Variants in AGMAT observed in about 807,000 individuals in gnomAD.
AGMAT encodes guanidino acid hydrolase, mitochondrial.
A neutral mutation model predicts 29.3 loss-of-function variants in AGMAT; 37 were observed. The ratio of observed to expected loss-of-function variants is 1.26; its 90% CI spans 0.97 to 1.66. The LOEUF is 1.66. Ranked by LOEUF, AGMAT falls within the 40% of genes most tolerant of loss-of-function variation. The pLI is 0.00. For missense variants in AGMAT, 498 were observed against 497.8 expected (o/e 1.00, Z 0.00); for synonymous variants, 199 against 200.8 (o/e 0.99, Z 0.08).
At chr1:15,576,217 C>T (rs1639034765) in intron 5 of AGMAT, 1 of 152,332 alleles carries the variant, frequency 6.6e-6, no homozygotes, top group African/African-American at 2.4e-5. Flanking sequence ...ATTCCCCTGC[C>T]TCAGCCTCCC....
In AGMAT at chr1:15,585,022, C is replaced by G. The variant is rs1022927230; in HGVS notation, c.-55G>C. 3.9e-6 allele frequency: 5 copies of G among 1,277,296 alleles called. No homozygotes were observed. The highest frequency in any genetic ancestry group is 6.0e-4 in the Middle Eastern group (2 of 3,316). 79.1% of individuals were successfully genotyped at this position (1,277,296 alleles called of 1,614,324 possible). On this transcript the variant is annotated 5_prime_UTR_variant, in exon 1 of 7. Coordinates refer to ENST00000375826, the MANE Select transcript of AGMAT (RefSeq NM_024758.5). Reference sequence around the variant, plus strand: ...AAACCGCCCGCGAGGCCGCCGCGATCTGGCTGGTCCCGAACGGCGAGGCGA... The same window carrying G: ...AAACCGCCCGCGAGGCCGCCGCGATGTGGCTGGTCCCGAACGGCGAGGCGA...
Position 15,573,269 on chromosome 1 carries a change from T to A in AGMAT, c.*382A>T, listed in dbSNP as rs34201882. 3.6e-4 allele frequency: 55 copies of A among 152,942 alleles called. No individual in the cohort carries two copies. The highest frequency in any genetic ancestry group is 3.4e-3 in the Middle Eastern group (1 of 298). 9.5% of individuals were successfully genotyped at this position (152,942 alleles called of 1,614,324 possible). Reference sequence around the variant, plus strand: ...CAAAACTCTATCTCAAAAAAAAAAATGTTTAAAAGGAAGATATAGAAATAT... The same window carrying A: ...CAAAACTCTATCTCAAAAAAAAAAAAGTTTAAAAGGAAGATATAGAAATAT... On this transcript the variant is annotated 3_prime_UTR_variant, in exon 7 of 7. Coordinates refer to ENST00000375826, the MANE Select transcript of AGMAT (RefSeq NM_024758.5).
chr1:15,580,250 G>C, intron 2 of AGMAT, 108 bp from the exon 3 acceptor site: 1 of 933,612 alleles, frequency 1.1e-6, no homozygotes, highest in South Asian at 1.5e-5. Flanking sequence ...CTGTTGTCCA[G>C]GCTGGAGTTC....
chr1:15,578,878 T>C lies in AGMAT; in HGVS notation c.701A>G (p.Tyr234Cys), dbSNP rs1164396961. The C allele has an allele frequency of 6.2e-7, 1 of 1,614,114 alleles. No individual in the cohort carries two copies. Among genetic ancestry groups the C allele is most frequent in the South Asian group, 1.1e-5 (1 of 91,082 alleles). The stretch of plus-strand genomic sequence containing the variant: ...TGTCACCTGGCTCCGGTTGTATCTG[T>C]AGGGATCCAAGGTCGTGGAAGAGCC... The part of the protein sequence containing the change: ...IRGSSTTLDP[Y>C]RYNRSQGFRV... Residue 234 changes from tyrosine to cysteine, a missense_variant, in exon 4 of 7, where the codon TAC (tyrosine) becomes TGC (cysteine). Physicochemically the swap from Tyr to Cys is radical, Grantham distance 194. Transcript: ENST00000375826.
Position 15,583,331 on chromosome 1 carries a change from C to T in AGMAT, c.337G>A (p.Ala113Thr). ...MLGTVNPSTG[A>T]LPFQSLMVAD... Reference sequence around the variant, plus strand: ...ACCATGAGGGACTGGAAGGGGAGGGCCCCCGTGCTAGGATTGACTGTCCCA... The same window carrying T: ...ACCATGAGGGACTGGAAGGGGAGGGTCCCCGTGCTAGGATTGACTGTCCCA... The change falls in exon 2 of 7, where the codon GCC (alanine) becomes ACC (threonine). Residue 113 changes from alanine to threonine, a missense_variant. By Grantham distance (58) the Ala-to-Thr change is moderately conservative. Transcript: ENST00000375826. 6.2e-7 allele frequency: 1 copy of T among 1,614,076 alleles called. No individual in the cohort carries two copies. The highest frequency in any genetic ancestry group is 8.5e-7 in the Non-Finnish European group (1 of 1,180,004).
At chr1:15,580,661 G>C (rs1034394282) in intron 2 of AGMAT, among the ~76,000 whole-genome samples, 1 of 150,706 alleles carries the variant, frequency 6.6e-6, no homozygotes, top group African/African-American at 2.4e-5. Context: ...CTGGGCGACA[G>C]AGTAAGACAC....
At position 15,579,023 on chromosome 1, in the gene AGMAT, C is replaced by T. The variant is rs1419373525; in HGVS notation, c.556G>A (p.Ala186Thr). Residue 186 changes from alanine to threonine, a missense_variant, in exon 4 of 7, where the codon GCG (alanine) becomes ACG (threonine). Physicochemically the swap from Ala to Thr is moderately conservative, Grantham distance 58. Transcript: ENST00000375826. ...HGPVGLLHVD[A>T]HTDTTDKALG... ...GCCTTGTCGGTCGTGTCCGTGTGCG[C>T]ATCCACGTGCAGCAGCCCCACTGGG... 2 of 1,613,946 alleles carry T rather than the reference C, an allele frequency of 1.2e-6. No homozygotes were observed. Among genetic ancestry groups the T allele is most frequent in the African/African-American group, 1.3e-5 (1 of 74,924 alleles).
chr1:15,580,110 G>A lies in AGMAT; in HGVS notation c.508C>T (p.Gln170Ter), dbSNP rs1440344003. 3 of 1,612,880 alleles carry A rather than the reference G, an allele frequency of 1.9e-6. No individual in the cohort carries two copies. The highest frequency in any genetic ancestry group is 1.7e-5 in the Admixed American group (1 of 59,918). The change falls in exon 3 of 7, where the codon CAA becomes TAA. Residue 170 changes from glutamine (Q) to a stop codon, truncating the protein, a stop_gained. Transcript: ENST00000375826. LOFTEE classifies it high-confidence loss of function. ...GAGACTTACTTTTTTGCCATCGCTT[G>A]CAATATGGGATATGTGATTGTGTGA... Reference protein sequence around the residue: ...GDHTITYPILQAMAKKHGPVG... With the variant: ...GDHTITYPIL
At position 15,577,768 on chromosome 1, in the gene AGMAT, T is replaced by C. The variant is rs1639059513; in HGVS notation, c.817A>G (p.Ile273Val). 6.2e-7 allele frequency: 1 copy of C among 1,614,176 alleles called. No homozygotes were observed. Among genetic ancestry groups the C allele is most frequent in the East Asian group, 2.2e-5 (1 of 44,886 alleles). ...TCCAGAGCGTCAATATCAAAGCTGA[T>C]ATAAATGGGTTTGCCTCCCATCTGC... ...RQQMGGKPIY[I>V]SFDIDALDPA... Residue 273 changes from isoleucine (I) to valine (V), a missense_variant, in exon 5 of 7, where the codon ATC (isoleucine) becomes GTC (valine). By Grantham distance (29) the Ile-to-Val change is conservative. Transcript: ENST00000375826.
chr1:15,578,354 G>T (rs1380427592), intron 4 of AGMAT, among the ~76,000 whole-genome samples: 1 of 151,844 alleles, frequency 6.6e-6, no homozygotes, highest in Non-Finnish European at 1.5e-5. Context: ...GAGTGCAGTG[G>T]CGCGATCTCA....
chr1:15,579,145 A>C, intron 3 of AGMAT, 91 bp from the exon 4 acceptor site: 1 of 1,319,462 alleles, frequency 7.6e-7, no homozygotes, highest in Non-Finnish European at 1.0e-6. Context: ...GTGACAATTC[A>C]CAGCCAAAAA....
chr1:15,584,775 G>A lies in AGMAT; in HGVS notation c.193C>T (p.Gln65Ter), dbSNP rs765166553. The A allele has an allele frequency of 7.2e-7, 1 of 1,380,140 alleles. No homozygotes were observed. The highest frequency in any genetic ancestry group is 3.2e-5 in the Admixed American group (1 of 31,704). The allele number at this position is 1,380,140 out of a possible 1,614,324, so 85.5% of individuals were successfully genotyped here. A position where few individuals can be genotyped will look rare whatever the true frequency, so the allele number is the denominator to read the frequency against. Residue 65 changes from glutamine to a stop codon, truncating the protein, a stop_gained, in exon 1 of 7, where the codon CAG becomes TAG. Coordinates refer to ENST00000375826, the MANE Select transcript of AGMAT (RefSeq NM_024758.5). LOFTEE classifies it high-confidence loss of function. ...GVCSMMRLPV[Q>*]TSPEGLDAAF... ...GCGTCCAGCCCCTCGGGGGAGGTCT[G>A]CACCGGCAGGCGCATCATGGAGCAG...
rs1639166693 is a variant in AGMAT at position 15,584,913 on chromosome 1, C to T, written c.55G>A (p.Ala19Thr). The T allele has an allele frequency of 2.2e-6, 3 of 1,383,048 alleles. No individual in the cohort carries two copies. The highest frequency in any genetic ancestry group is 2.8e-6 in the Non-Finnish European group (3 of 1,076,718). 85.7% of individuals were successfully genotyped at this position (1,383,048 alleles called of 1,614,324 possible). ...TGAAAGAGCCCTGCGGCAGGACGCG[C>T]GCCCACGCCGGGCCCCGGGCCCCGG... Reference protein sequence around the residue: ...CARGPGPGVGARPAAGLFHPG... With the variant: ...CARGPGPGVGTRPAAGLFHPG... Residue 19 changes from alanine to threonine, a missense_variant, in exon 1 of 7, where the codon GCG becomes ACG. Coordinates refer to ENST00000375826, the MANE Select transcript of AGMAT (RefSeq NM_024758.5).
intron 1 of AGMAT, 61 bp downstream of exon 1, chr1:15,584,635 T>G (rs1570945175): frequency 8.0e-7 from 1 of 1,254,874 alleles, no homozygotes; most frequent in Non-Finnish European, 1.0e-6. Flanking sequence ...GTGCTTTCCA[T>G]GCCCGACAGC....
chr1:15,584,832 T>TG lies in AGMAT; in HGVS notation c.135dup (p.Ser46GlnfsTer65), dbSNP rs1639164596. 2.1e-6 allele frequency: 3 copies of TG among 1,430,330 alleles called. No individual in the cohort carries two copies. Among genetic ancestry groups the TG allele is most frequent in the South Asian group, 1.5e-5 (1 of 65,556 alleles). The allele number at this position is 1,430,330 out of a possible 1,614,324, so 88.6% of individuals were successfully genotyped here. A position where few individuals can be genotyped will look rare whatever the true frequency, so the allele number is the denominator to read the frequency against. On this transcript the variant is annotated frameshift_variant, in exon 1 of 7. Transcript: ENST00000375826. LOFTEE classifies it high-confidence loss of function. ...ACCGGCCGGGCCACGAACTCGGGGC[T>TG]GGGGGGCTGGTTCCGGGGCGCGTCG...
Position 15,573,680 on chromosome 1 carries a change from A to C in AGMAT, c.1030T>G (p.Cys344Gly). 1 of 1,614,210 alleles carries C rather than the reference A, an allele frequency of 6.2e-7. No homozygotes were observed. Among genetic ancestry groups the C allele is most frequent in the Non-Finnish European group, 8.5e-7 (1 of 1,180,024 alleles). Residue 344 changes from cysteine (C) to glycine (G), a missense_variant, in exon 7 of 7, where the codon TGT becomes GGT. By Grantham distance (159) the Cys-to-Gly change is radical. Coordinates refer to ENST00000375826, the MANE Select transcript of AGMAT (RefSeq NM_024758.5). ...LAANLLFEML[C>G]ALPKVTTV Reference sequence around the variant, plus strand: ...ACGGTTGTCACTTTGGGGAGAGCACATAGCATCTCAAACAGCAGGTTAGCC... The same window carrying C: ...ACGGTTGTCACTTTGGGGAGAGCACCTAGCATCTCAAACAGCAGGTTAGCC...
chr1:15,583,296 T>A lies in AGMAT; in HGVS notation c.372A>T (p.Leu124=), dbSNP rs147927910. The change falls in exon 2 of 7, where the codon CTA becomes CTT. Residue 124 remains leucine (L), a synonymous_variant. Coordinates refer to ENST00000375826, the MANE Select transcript of AGMAT (RefSeq NM_024758.5). ...TGTAAAGATTGACATTCACATCGCCTAGGTCTGCAACCATGAGGGACTGGA... is the reference window on the plus strand; with the variant it reads ...TGTAAAGATTGACATTCACATCGCCAAGGTCTGCAACCATGAGGGACTGGA... ...LPFQSLMVAD[L]GDVNVNLYNL... 2 of 1,614,054 alleles carry A rather than the reference T, an allele frequency of 1.2e-6. No homozygotes were observed. The highest frequency in any genetic ancestry group is 2.7e-5 in the African/African-American group (2 of 74,916).
At position 15,579,005 on chromosome 1, in the gene AGMAT, C is replaced by T. The variant is rs749470775; in HGVS notation, c.574G>A (p.Asp192Asn). Reference sequence around the variant, plus strand: ...TAGAGCTTCTCTCCTAGGGCCTTGTCGGTCGTGTCCGTGTGCGCATCCACG... The same window carrying T: ...TAGAGCTTCTCTCCTAGGGCCTTGTTGGTCGTGTCCGTGTGCGCATCCACG... ...LHVDAHTDTT[D>N]KALGEKLYHG... Residue 192 changes from aspartate (D) to asparagine (N), a missense_variant, in exon 4 of 7, where the codon GAC (aspartate) becomes AAC (asparagine). Physicochemically the swap from Asp to Asn is conservative, Grantham distance 23 (BLOSUM62 1). Coordinates refer to ENST00000375826, the MANE Select transcript of AGMAT (RefSeq NM_024758.5). 19 of 1,614,022 alleles carry T rather than the reference C, an allele frequency of 1.2e-5. No individual in the cohort carries two copies. The highest frequency in any genetic ancestry group is 2.2e-5 in the South Asian group (2 of 91,090).
At chr1:15,575,249 TA>T (rs1639022027) in intron 5 of AGMAT, 1 of 164,626 alleles carries the variant, frequency 6.1e-6, no homozygotes. Flanking sequence ...AAAGTTCAGG[TA>T]GTAAGATGTG....
Sources: gnomAD v4.1 joint callset for allele counts (sites outside exome capture counted in the v4.1 genomes callset) on GRCh38, gnomAD v4.1.1 for gene constraint, MANE v1.5 for transcripts, NCBI Gene and HGNC (gene_info 2026-07-23, HGNC 2026-07-21) for gene names.